EPS15: variants seen among roughly 807,000 people sequenced by gnomAD.
EPS15 encodes epidermal growth factor receptor pathway substrate 15.
In EPS15, 72 loss-of-function variants were observed where a neutral mutation model predicts 113.8. The ratio of observed to expected loss-of-function variants is 0.63; its 90% CI spans 0.52 to 0.77. The LOEUF is 0.77. Among genes scored for constraint, EPS15 ranks in the 30% least tolerant of loss-of-function variants. The pLI is 0.00. For missense variants in EPS15, 1,048 were observed against 1,045.8 expected (o/e 1.00, Z -0.03); for synonymous variants, 344 against 363.4 (o/e 0.95, Z 0.61).
chr1:51,406,143 T>C (rs1649109256), intron 15 of EPS15, 35 bp from the exon 16 acceptor site: 2 of 1,577,602 alleles, frequency 1.3e-6, no homozygotes, highest in African/African-American at 2.7e-5. Flanking sequence ...GAACAGAATT[T>C]ATTACTAGAA....
chr1:51,508,336 G>GAGAGAA (rs1245904597), intron 1 of EPS15, among the ~76,000 whole-genome samples: 1 of 121,856 alleles, frequency 8.2e-6, no homozygotes, highest in Non-Finnish European at 1.7e-5. Flanking sequence ...GAAAGAGAAA[G>GAGAGAA]AGAGAAAGAA....
At chr1:51,364,560 T>C (rs1466170312) in intron 22 of EPS15, among the ~76,000 whole-genome samples, 1 of 151,966 alleles carries the variant, frequency 6.6e-6, no homozygotes, top group Non-Finnish European at 1.5e-5. Flanking sequence ...AGTGGCACAA[T>C]CATAGCTCAC....
chr1:51,411,059 C>G (rs1649672718), intron 13 of EPS15, among the ~76,000 whole-genome samples: 1 of 152,194 alleles, frequency 6.6e-6, no homozygotes, highest in Non-Finnish European at 1.5e-5. Context: ...ACAGCCTGAG[C>G]TCTTAACCAC....
chr1:51,456,026 C>A (rs1227445074), intron 8 of EPS15, among the ~76,000 whole-genome samples: 1 of 151,310 alleles, frequency 6.6e-6, no homozygotes, highest in Non-Finnish European at 1.5e-5. Context: ...AGAATATGAA[C>A]AAGCATTTAC....
intron 21 of EPS15, among the ~76,000 whole-genome samples, chr1:51,392,368 G>A (rs1258036340): frequency 1.3e-5 from 2 of 152,160 alleles, no homozygotes; most frequent in Admixed American, 6.5e-5. Flanking sequence ...AACTCTGCAA[G>A]TGTTCAATAA....
chr1:51,397,292 C>T (rs1648049231), intron 20 of EPS15: 1 of 152,130 alleles, frequency 6.6e-6, no homozygotes, highest in Non-Finnish European at 1.5e-5. Flanking sequence ...TAAACTGCAG[C>T]TATTATTATA....
At chr1:51,357,426 A>ATATATATATATATATATT (rs1443627608) in intron 24 of EPS15, among the ~76,000 whole-genome samples, 1 of 53,526 alleles carries the variant, frequency 1.9e-5, no homozygotes, top group African/African-American at 9.7e-5. Context: ...ATATATATAT[A>ATATATATATATATATATT]TTTTTTTTTT....
chr1:51,458,593 CG>C, intron 8 of EPS15: 5 of 437,278 alleles, frequency 1.1e-5, no homozygotes, highest in East Asian at 7.7e-5. Context: ...AAAAATTAGC[CG>C]GGGGTGGTGG....
intron 12 of EPS15, among the ~76,000 whole-genome samples, chr1:51,436,062 C>T (rs1006709942): frequency 3.9e-5 from 6 of 152,148 alleles, no homozygotes; most frequent in African/African-American, 1.2e-4. Context: ...ATAGTAGATT[C>T]GAGTACTGTA....
At chr1:51,494,897 C>T (rs1238440883) in intron 1 of EPS15, among the ~76,000 whole-genome samples, 2 of 152,202 alleles carry the variant, frequency 1.3e-5, no homozygotes, top group East Asian at 1.9e-4. Context: ...AGTAAGGTCA[C>T]ATTCTCCAGT....
chr1:51,449,680 G>A (rs937789149), intron 8 of EPS15, among the ~76,000 whole-genome samples: 3 of 151,694 alleles, frequency 2.0e-5, no homozygotes, highest in Admixed American at 6.6e-5. Flanking sequence ...CACACCACAC[G>A]GAAGACAGAG....
At chr1:51,468,633 T>C in intron 4 of EPS15, 65 bp from the exon 5 acceptor site, 1 of 971,294 alleles carries the variant, frequency 1.0e-6, no homozygotes, top group East Asian at 2.4e-5. Context: ...CCTGCACAAA[T>C]ACTTACAATC....
At chr1:51,465,430 A>C (rs1298379418) in intron 5 of EPS15, 104 bp from the exon 6 acceptor site, 8 of 654,022 alleles carry the variant, frequency 1.2e-5, no homozygotes, top group Non-Finnish European at 2.2e-5. Flanking sequence ...AAAATGCTGG[A>C]TCTCAATGCA....
chr1:51,489,246 T>C (rs932486904), intron 1 of EPS15, among the ~76,000 whole-genome samples: 1 of 150,394 alleles, frequency 6.6e-6, no homozygotes, highest in Non-Finnish European at 1.5e-5. Flanking sequence ...TAATAAACTT[T>C]ACTAAGAAAA....
intron 12 of EPS15, among the ~76,000 whole-genome samples, chr1:51,431,451 C>CTT (rs764383254): frequency 6.9e-6 from 1 of 144,712 alleles, no homozygotes. Flanking sequence ...AATTTCTTTT[C>CTT]TTTTTTTTTT....
intron 1 of EPS15, among the ~76,000 whole-genome samples, chr1:51,508,334 AAGAG>A (rs150953806): frequency 0.013 from 1,527 of 114,226 alleles, 37 homozygotes; most frequent in African/African-American, 0.051. Context: ...GAGAAAGAGA[AAGAG>A]AGAAAGAAAG....
intron 16 of EPS15, among the ~76,000 whole-genome samples, chr1:51,405,435 G>A (rs1430092485): frequency 1.3e-5 from 2 of 152,240 alleles, no homozygotes; most frequent in African/African-American, 2.4e-5. Context: ...GGTGGCTCAC[G>A]CCTGTAATCC....
chr1:51,381,666 A>T (rs1449792180), intron 21 of EPS15, among the ~76,000 whole-genome samples: 1 of 152,224 alleles, frequency 6.6e-6, no homozygotes, highest in African/African-American at 2.4e-5. Context: ...AGCAGAAGCA[A>T]AACTAGACGA....
intron 4 of EPS15, among the ~76,000 whole-genome samples, chr1:51,469,156 A>G (rs1391931084): frequency 6.6e-6 from 1 of 152,032 alleles, no homozygotes; most frequent in East Asian, 1.9e-4. Context: ...AAAAAAAACA[A>G]ATAATATTTA....
Sources: gnomAD v4.1 joint callset for allele counts (sites outside exome capture counted in the v4.1 genomes callset) on GRCh38, gnomAD v4.1.1 for gene constraint, MANE v1.5 for transcripts, NCBI Gene and HGNC (gene_info 2026-07-23, HGNC 2026-07-21) for gene names.